The following MDGA2 variants were observed in gnomAD, a reference collection of about 807,000 sequenced individuals.
MDGA2 encodes the protein MAM domain-containing glycosylphosphatidylinositol anchor protein 2.
MDGA2 carries 40 observed loss-of-function variants against 117.8 expected under a neutral mutation model. The ratio of observed to expected loss-of-function variants is 0.34; its 90% confidence interval spans 0.26 to 0.44. MDGA2 has a LOEUF of 0.44. Ranked by LOEUF, MDGA2 falls within the 20% of genes least tolerant of loss-of-function variation. The pLI, the probability that MDGA2 is intolerant of heterozygous loss-of-function variation, is 1.00. For missense variants in MDGA2, 1,123 were observed against 1,250.6 expected (o/e 0.90, Z 1.54); for synonymous variants, 452 against 439.0 (o/e 1.03, Z -0.37).
chr14:47,089,915 T>C (rs1024837893), intron 6 of MDGA2, among the ~76,000 whole-genome samples: 1 of 152,166 alleles, frequency 6.6e-6, no homozygotes, highest in African/African-American at 2.4e-5. Context: ...GTTAAAAAGT[T>C]AATGCATATA....
At chr14:47,455,784 G>A (rs527937168) in intron 1 of MDGA2, among the ~76,000 whole-genome samples, 32 of 152,024 alleles carry the variant, frequency 2.1e-4, no homozygotes, top group African/African-American at 6.3e-4. Context: ...ACCACCTGAG[G>A]TTAGGAGTTC....
At chr14:47,189,874 T>C (rs1885047198) in intron 3 of MDGA2, among the ~76,000 whole-genome samples, 1 of 152,134 alleles carries the variant, frequency 6.6e-6, no homozygotes, top group Admixed American at 6.6e-5. Flanking sequence ...ATGGTGACAA[T>C]TAACACCTAA....
intron 3 of MDGA2, among the ~76,000 whole-genome samples, chr14:47,216,885 G>T (rs956352536): frequency 3.9e-5 from 6 of 152,014 alleles, no homozygotes; most frequent in African/African-American, 1.4e-4. Flanking sequence ...GTGGTACAGG[G>T]GATGAATGTT....
chr14:47,545,040 C>A (rs1216678247), intron 1 of MDGA2, among the ~76,000 whole-genome samples: 1 of 152,136 alleles, frequency 6.6e-6, no homozygotes, highest in African/African-American at 2.4e-5. Context: ...AAAGAAGAAT[C>A]ATTTTCATTA....
At chr14:46,965,186 G>A (rs977374786) in intron 8 of MDGA2, among the ~76,000 whole-genome samples, 2 of 120,190 alleles carry the variant, frequency 1.7e-5, no homozygotes, top group Non-Finnish European at 3.1e-5. Context: ...GCCTCCCAAA[G>A]TGCTGGGATT....
intron 5 of MDGA2, among the ~76,000 whole-genome samples, chr14:47,117,447 A>G (rs1881391355): frequency 6.6e-6 from 1 of 152,282 alleles, no homozygotes; most frequent in Non-Finnish European, 1.5e-5. Flanking sequence ...ATATATTAGG[A>G]TTCCTATATT....
intron 1 of MDGA2, among the ~76,000 whole-genome samples, chr14:47,516,421 G>A (rs1033084176): frequency 2.0e-5 from 3 of 152,154 alleles, no homozygotes; most frequent in Admixed American, 1.3e-4. Context: ...TTCTTAGCGT[G>A]TGGAGCCTTA....
At chr14:47,028,696 A>C (rs781108465) in intron 8 of MDGA2, among the ~76,000 whole-genome samples, 1 of 152,134 alleles carries the variant, frequency 6.6e-6, no homozygotes, top group Non-Finnish European at 1.5e-5. Context: ...ACAGAAGAGG[A>C]GCATAAAAGC....
intron 1 of MDGA2, among the ~76,000 whole-genome samples, chr14:47,310,332 T>C (rs1429669637): frequency 1.3e-5 from 2 of 152,124 alleles, no homozygotes; most frequent in Non-Finnish European, 2.9e-5. Flanking sequence ...CCATGGGCCA[T>C]CAAGTCTAGG....
chr14:47,559,015 A>G (rs981654037), intron 1 of MDGA2, among the ~76,000 whole-genome samples: 23 of 152,210 alleles, frequency 1.5e-4, no homozygotes, highest in Admixed American at 7.2e-4. Context: ...TTTATACAGG[A>G]GTCTCAAATA....
intron 9 of MDGA2, among the ~76,000 whole-genome samples, chr14:46,936,722 A>T (rs896225674): frequency 2.0e-5 from 3 of 152,040 alleles, no homozygotes; most frequent in African/African-American, 7.2e-5. Context: ...AAAATTGAAC[A>T]TTCCTTCATA....
At chr14:46,985,943 G>A (rs1336917675) in intron 8 of MDGA2, among the ~76,000 whole-genome samples, 1 of 151,922 alleles carries the variant, frequency 6.6e-6, no homozygotes, top group African/African-American at 2.4e-5. Flanking sequence ...CTAGGAAAAA[G>A]ACACAAAACC....
chr14:47,249,165 G>A (rs1240204996), intron 2 of MDGA2, among the ~76,000 whole-genome samples: 1 of 151,632 alleles, frequency 6.6e-6, no homozygotes, highest in Non-Finnish European at 1.5e-5. Context: ...CTACAGGCAC[G>A]CACCACCATG....
intron 1 of MDGA2, among the ~76,000 whole-genome samples, chr14:47,327,823 T>C (rs1278036291): frequency 6.6e-6 from 1 of 152,166 alleles, no homozygotes; most frequent in African/African-American, 2.4e-5. Flanking sequence ...ACTTGTCTCA[T>C]CATCATTTAC....
At chr14:47,366,486 G>C (rs1037747499) in intron 1 of MDGA2, among the ~76,000 whole-genome samples, 2 of 151,982 alleles carry the variant, frequency 1.3e-5, no homozygotes, top group African/African-American at 4.8e-5. Flanking sequence ...ATTAGCAAGA[G>C]CCAAAATAAA....
At chr14:46,967,636 T>C (rs1181125212) in intron 8 of MDGA2, among the ~76,000 whole-genome samples, 2 of 152,150 alleles carry the variant, frequency 1.3e-5, no homozygotes, top group Non-Finnish European at 2.9e-5. Flanking sequence ...GCATCTTTTC[T>C]ATTTGGCTGT....
chr14:46,862,684 T>C (rs76413739), intron 14 of MDGA2, among the ~76,000 whole-genome samples: 5,539 of 152,038 alleles, frequency 0.036, 362 homozygotes, highest in African/African-American at 0.13. Flanking sequence ...ATTGTTATAA[T>C]CAGTAACACA....
chr14:47,162,784 A>G (rs903034293), intron 3 of MDGA2, among the ~76,000 whole-genome samples: 3 of 152,158 alleles, frequency 2.0e-5, no homozygotes. Flanking sequence ...GTATTTTGAG[A>G]TATTTCTAGC....
chr14:47,495,984 T>C (rs111801505), intron 1 of MDGA2, among the ~76,000 whole-genome samples: 1 of 152,014 alleles, frequency 6.6e-6, no homozygotes, highest in African/African-American at 2.4e-5. Flanking sequence ...ATTAGTGAGA[T>C]TGAATTTTTT....
Sources: allele counts gnomAD v4.1 joint callset (sites outside exome capture counted in the v4.1 genomes callset), GRCh38; gene constraint gnomAD v4.1.1; transcripts MANE v1.5; gene names NCBI Gene and HGNC (gene_info 2026-07-23, HGNC 2026-07-21).